ARAP2: variants seen among roughly 807,000 people sequenced by gnomAD.
ARAP2 encodes the protein arf-GAP with Rho-GAP domain, ANK repeat and PH domain-containing protein 2.
ARAP2 carries 148 observed loss-of-function variants against 194.5 expected under a neutral mutation model. The ratio of observed to expected loss-of-function variants is 0.76; its 90% CI spans 0.67 to 0.87. ARAP2 has a LOEUF of 0.87. Ranked by LOEUF, ARAP2 falls within the 40% of genes least tolerant of loss-of-function variation. ARAP2 has a pLI of 0.00. For synonymous variants in ARAP2, 695 were observed against 683.5 expected (o/e 1.02, Z -0.26); for missense variants, 2,128 against 1,989.7 (o/e 1.07, Z -1.32).
Position 36,186,337 on chromosome 4 carries a change from T to A in ARAP2, c.1678+1114A>T, listed in dbSNP as rs1740563293. Among the ~76,000 whole-genome samples the A allele has an allele frequency of 2.0e-5, 3 of 152,174 alleles. 1 individual carries two copies. Among genetic ancestry groups the A allele is most frequent in the African/African-American group, 7.2e-5 (3 of 41,434 alleles). ...TCCCCAACCCTTATTCAAACAAAATTCAGAAAATATTTCTCTGTACACATT... is the reference window on the plus strand; with the variant it reads ...TCCCCAACCCTTATTCAAACAAAATACAGAAAATATTTCTCTGTACACATT... On this transcript the variant is annotated intron_variant, in intron 8 of 32. Coordinates refer to ENST00000303965, the MANE Select transcript of ARAP2 (RefSeq NM_015230.4).
chr4:36,105,147 C>T (rs1274656675), intron 27 of ARAP2, among the ~76,000 whole-genome samples: 2 of 151,980 alleles, frequency 1.3e-5, no homozygotes, highest in Non-Finnish European at 2.9e-5. Context: ...TGGTGAAAGC[C>T]AGTCTCCAAT....
intron 3 of ARAP2, among the ~76,000 whole-genome samples, chr4:36,050,823 T>C (rs1722540948): frequency 6.6e-6 from 1 of 152,240 alleles, no homozygotes; most frequent in South Asian, 2.1e-4. Flanking sequence ...ATGTTTCTTT[T>C]GATGTGATAT....
chr4:36,114,328 A>G (rs758864638), intron 25 of ARAP2, 41 bp from the exon 26 acceptor site: 2 of 1,263,754 alleles, frequency 1.6e-6, no homozygotes, highest in South Asian at 2.6e-5. Flanking sequence ...CGTGTTAGAC[A>G]CAGAAGTAGC....
chr4:36,201,043 T>C lies in ARAP2; in HGVS notation c.1488-7396A>G, dbSNP rs115987664. ...ACAGAAAATAGATTTAAAGTTGCAA[T>C]CAATAAAGAAGTTATTTGGTACTAC... is the stretch of plus-strand genomic sequence containing the variant. On this transcript the variant is annotated intron_variant, in intron 6 of 32. Coordinates refer to ENST00000303965, the MANE Select transcript of ARAP2 (RefSeq NM_015230.4). Among the ~76,000 whole-genome samples the C allele has an allele frequency of 8.0e-3, 1,226 of 152,334 alleles. 24 individuals are homozygous for C. Among genetic ancestry groups the C allele is most frequent in the African/African-American group, 0.028 (1,177 of 41,570 alleles).
At chr4:36,180,107 TA>T (rs1263435928) in intron 8 of ARAP2, among the ~76,000 whole-genome samples, 1 of 152,016 alleles carries the variant, frequency 6.6e-6, no homozygotes, top group Non-Finnish European at 1.5e-5. Context: ...ACCCGGTCTA[TA>T]CTAAAACTAC....
At chr4:36,093,998 A>T (rs1714485737) in intron 27 of ARAP2, among the ~76,000 whole-genome samples, 1 of 152,178 alleles carries the variant, frequency 6.6e-6, no homozygotes. Flanking sequence ...GCCCCCTCAC[A>T]TTTCCATAAT....
chr4:36,201,173 AG>A (rs1744289211), intron 6 of ARAP2, among the ~76,000 whole-genome samples: 1 of 152,226 alleles, frequency 6.6e-6, no homozygotes, highest in Admixed American at 6.5e-5. Context: ...CATGTGAGAC[AG>A]GTAACATTAT....
At chr4:36,161,030 C>G (rs75387551) in intron 12 of ARAP2, among the ~76,000 whole-genome samples, 7 of 152,158 alleles carry the variant, frequency 4.6e-5, no homozygotes, top group African/African-American at 1.7e-4. Context: ...AGCAAAGTAG[C>G]CTCCATCACA....
intron 5 of ARAP2, among the ~76,000 whole-genome samples, chr4:36,028,289 G>A (rs1224079979): frequency 6.6e-6 from 1 of 151,922 alleles, no homozygotes; most frequent in Non-Finnish European, 1.5e-5. Flanking sequence ...TCTACAATGC[G>A]GTAAGAACTC....
At chr4:36,170,356 G>T (rs547434722) in intron 9 of ARAP2, among the ~76,000 whole-genome samples, 4 of 152,232 alleles carry the variant, frequency 2.6e-5, no homozygotes, top group South Asian at 4.1e-4. Context: ...GGGAGGCCAA[G>T]GTGAGAGGAT....
chr4:36,204,146 C>A (rs940303929), intron 6 of ARAP2, among the ~76,000 whole-genome samples: 1 of 151,932 alleles, frequency 6.6e-6, no homozygotes, highest in African/African-American at 2.4e-5. Flanking sequence ...AAGTCCAACA[C>A]CAAACTATCA....
chr4:36,127,789 TATAC>T (rs1330495984), intron 21 of ARAP2, among the ~76,000 whole-genome samples: 1 of 151,860 alleles, frequency 6.6e-6, no homozygotes, highest in African/African-American at 2.4e-5. Flanking sequence ...AAAAATGTCA[TATAC>T]ATAAATTATA....
intron 9 of ARAP2, among the ~76,000 whole-genome samples, chr4:36,011,115 C>T (rs1429081715): frequency 6.6e-6 from 1 of 152,008 alleles, no homozygotes; most frequent in East Asian, 1.9e-4. Context: ...AAAGTGAAGA[C>T]TGCTCAGAAA....
At chr4:36,241,583 G>A (rs1753511274) in intron 1 of ARAP2, among the ~76,000 whole-genome samples, 1 of 152,076 alleles carries the variant, frequency 6.6e-6, no homozygotes, top group Non-Finnish European at 1.5e-5. Context: ...GGGTAGATGA[G>A]ACATGACTAT....
intron 2 of ARAP2, 61 bp from the exon 3 acceptor site, chr4:36,214,541 A>G (rs1295401989): frequency 3.7e-6 from 4 of 1,069,512 alleles, no homozygotes; most frequent in Non-Finnish European, 4.0e-6. Flanking sequence ...TATGAGTAAA[A>G]TTAAAATTAT....
intron 6 of ARAP2, among the ~76,000 whole-genome samples, chr4:36,202,299 A>G (rs1744529617): frequency 6.6e-6 from 1 of 152,214 alleles, no homozygotes; most frequent in African/African-American, 2.4e-5. Flanking sequence ...GATGCAAGGA[A>G]TTACTAAAAT....
At chr4:36,138,238 A>G (rs1331379428) in intron 19 of ARAP2, among the ~76,000 whole-genome samples, 2 of 151,714 alleles carry the variant, frequency 1.3e-5, no homozygotes, top group East Asian at 3.9e-4. Flanking sequence ...AGAATTTTTA[A>G]TGAACTCATT....
chr4:36,147,540 G>A lies in ARAP2; in HGVS notation c.3199+8C>T. On this transcript the variant is annotated splice_region_variant and intron_variant, in intron 18 of 32. Coordinates refer to ENST00000303965, the MANE Select transcript of ARAP2 (RefSeq NM_015230.4). ...GTTCCAAAGATAAGGGAAGAAAAAA[G>A]CTCTTACTTAGCTCTTGCAGTCTTC... 1 of 1,600,640 alleles carries A rather than the reference G, an allele frequency of 6.2e-7. No homozygotes were observed. The highest frequency in any genetic ancestry group is 8.5e-7 in the Non-Finnish European group (1 of 1,175,794).
chr4:36,107,743 T>A, intron 26 of ARAP2, 50 bp from the exon 27 acceptor site: 1 of 1,516,794 alleles, frequency 6.6e-7, no homozygotes. Context: ...AGGATAACAA[T>A]TTTTTATTTT....
Sources: allele counts gnomAD v4.1 joint callset (sites outside exome capture counted in the v4.1 genomes callset), GRCh38; gene constraint gnomAD v4.1.1; transcripts MANE v1.5; gene names NCBI Gene and HGNC (gene_info 2026-07-23, HGNC 2026-07-21).